The following OXR1 variants were observed in gnomAD, a reference collection of about 807,000 sequenced individuals.
OXR1 encodes oxidation resistance protein 1.
In OXR1, 41 loss-of-function variants were observed where a neutral mutation model predicts 104.6. The ratio of observed to expected loss-of-function variants is 0.39; its 90% CI spans 0.31 to 0.51. OXR1 has a LOEUF of 0.51. Among genes scored for constraint, OXR1 ranks in the 20% least tolerant of loss-of-function variants. The pLI, the probability that OXR1 is intolerant of heterozygous loss-of-function variation, is 0.77. For synonymous variants in OXR1, 348 were observed against 348.4 expected, an observed-to-expected ratio of 1.00 and a Z score of 0.01; for missense variants, 955 against 1,031.9, an observed-to-expected ratio of 0.93 and a Z score of 1.02.
At position 106,707,011 on chromosome 8, in the gene OXR1, C is replaced by A; in HGVS notation, c.1490C>A (p.Thr497Lys). 6.2e-7 allele frequency: 1 copy of A among 1,613,836 alleles called. No individual in the cohort carries two copies. Among genetic ancestry groups the A allele is most frequent in the Non-Finnish European group, 8.5e-7 (1 of 1,179,932 alleles). Residue 497 changes from threonine to lysine, a missense_variant, in exon 9 of 17, where the codon ACA becomes AAA. By Grantham distance (78) the Thr-to-Lys change is moderately conservative. Coordinates refer to ENST00000517566, the MANE Select transcript of OXR1 (RefSeq NM_001198533.2). The part of the protein sequence containing the change: ...QGKEQNQDSQ[T>K]EAEELRKLWK... ...AAGGAGCAAAATCAGGACTCACAGA[C>A]AGAGGCAGAAGAGCTACGCAAACTT...
At chr8:106,628,038 T>G (rs1199159878) in intron 3 of OXR1, among the ~76,000 whole-genome samples, 2 of 152,182 alleles carry the variant, frequency 1.3e-5, no homozygotes, top group Non-Finnish European at 2.9e-5. Context: ...CTTAACAGTA[T>G]TTCTAAAACG....
intron 2 of OXR1, among the ~76,000 whole-genome samples, chr8:106,400,501 C>T (rs1817958629): frequency 6.6e-6 from 1 of 152,048 alleles, no homozygotes; most frequent in Admixed American, 6.6e-5. Flanking sequence ...TAAAATTATT[C>T]CTTCCAATCA....
At chr8:106,576,509 G>C (rs893512983) in intron 3 of OXR1, among the ~76,000 whole-genome samples, 3 of 149,198 alleles carry the variant, frequency 2.0e-5, no homozygotes, top group Non-Finnish European at 4.4e-5. Flanking sequence ...AGAGCCACAG[G>C]CTTTATTGCA....
At chr8:106,332,965 T>C (rs1814783166) in intron 1 of OXR1, among the ~76,000 whole-genome samples, 1 of 152,160 alleles carries the variant, frequency 6.6e-6, no homozygotes, top group Non-Finnish European at 1.5e-5. Context: ...TGTAGTAACA[T>C]ATATCATTTA....
intron 3 of OXR1, among the ~76,000 whole-genome samples, chr8:106,559,318 C>G (rs976303062): frequency 4.6e-5 from 7 of 152,200 alleles, no homozygotes; most frequent in African/African-American, 1.7e-4. Flanking sequence ...CACAGTCACA[C>G]AGGTAATCTC....
chr8:106,667,842 A>G (rs763519481), intron 3 of OXR1, among the ~76,000 whole-genome samples: 1 of 152,026 alleles, frequency 6.6e-6, no homozygotes, highest in Non-Finnish European at 1.5e-5. Flanking sequence ...CATCACTTCT[A>G]TGTGTATGTA....
chr8:106,634,467 T>C (rs1822968509), intron 3 of OXR1, among the ~76,000 whole-genome samples: 1 of 152,226 alleles, frequency 6.6e-6, no homozygotes, highest in South Asian at 2.1e-4. Context: ...TATACCCATT[T>C]TACAGATGAG....
At chr8:106,725,374 A>G (rs1267756260) in intron 11 of OXR1, among the ~76,000 whole-genome samples, 1 of 152,182 alleles carries the variant, frequency 6.6e-6, no homozygotes. Context: ...TTACCTTAAA[A>G]TGGAAGAAAT....
chr8:106,483,409 C>T (rs1353741771), intron 2 of OXR1, among the ~76,000 whole-genome samples: 4 of 151,736 alleles, frequency 2.6e-5, no homozygotes, highest in African/African-American at 9.7e-5. Context: ...TTAAAACCAT[C>T]CACTTAACTG....
chr8:106,309,982 T>C (rs1813630003), intron 1 of OXR1, among the ~76,000 whole-genome samples: 1 of 151,878 alleles, frequency 6.6e-6, no homozygotes. Flanking sequence ...TTTACCTCTG[T>C]GATTCTGAAT....
At chr8:106,335,479 G>A (rs1056827436) in intron 1 of OXR1, among the ~76,000 whole-genome samples, 1 of 152,024 alleles carries the variant, frequency 6.6e-6, no homozygotes, top group Non-Finnish European at 1.5e-5. Flanking sequence ...GCCCTTCTGG[G>A]TATCCAGAAT....
intron 15 of OXR1, chr8:106,742,624 A>G (rs1179689503): frequency 5.7e-6 from 1 of 176,314 alleles, no homozygotes; most frequent in Admixed American, 6.3e-5. Flanking sequence ...AACAGAATAG[A>G]GAACTCAGAA....
At chr8:106,395,597 T>C (rs1006519513) in intron 2 of OXR1, among the ~76,000 whole-genome samples, 2 of 152,158 alleles carry the variant, frequency 1.3e-5, no homozygotes, top group Non-Finnish European at 2.9e-5. Flanking sequence ...TTCTGGAAGC[T>C]ACAATTCAAG....
intron 15 of OXR1, among the ~76,000 whole-genome samples, chr8:106,744,948 A>T (rs1314915575): frequency 2.0e-5 from 3 of 152,178 alleles, no homozygotes; most frequent in Non-Finnish European, 4.4e-5. Flanking sequence ...AAATATGTCA[A>T]CTGATAGCAA....
intron 7 of OXR1, among the ~76,000 whole-genome samples, chr8:106,700,298 G>T (rs747342412): frequency 4.6e-5 from 7 of 152,114 alleles, no homozygotes; most frequent in Non-Finnish European, 1.0e-4. Context: ...ATAAGCTTAT[G>T]ATTTTCAACT....
intron 8 of OXR1, among the ~76,000 whole-genome samples, chr8:106,704,065 T>C (rs1269777332): frequency 1.3e-5 from 2 of 152,144 alleles, no homozygotes; most frequent in Non-Finnish European, 2.9e-5. Flanking sequence ...CAGAATAAAA[T>C]CCTTTGCTCA....
At chr8:106,500,981 G>A (rs558075797) in intron 2 of OXR1, among the ~76,000 whole-genome samples, 5 of 152,308 alleles carry the variant, frequency 3.3e-5, no homozygotes, top group East Asian at 1.9e-4. Context: ...GTGATGGAGA[G>A]AGTTGACAAA....
chr8:106,629,059 G>T lies in OXR1; in HGVS notation c.221-50151G>T, dbSNP rs749724178. Among the ~76,000 whole-genome samples the T allele has an allele frequency of 3.5e-4, 53 of 152,084 alleles. 1 individual carries two copies. Among genetic ancestry groups the T allele is most frequent in the Non-Finnish European group, 6.9e-4 (47 of 68,004 alleles). On this transcript the variant is annotated intron_variant, in intron 3 of 16. Coordinates refer to ENST00000517566, the MANE Select transcript of OXR1 (RefSeq NM_001198533.2). ...ACAGAGTAAGAGAGAATGAAGAAAA[G>T]ACAAAATCACCCTCTTTTACTTCAT...
chr8:106,472,856 C>T (rs1563545121), intron 2 of OXR1, among the ~76,000 whole-genome samples: 1 of 151,806 alleles, frequency 6.6e-6, no homozygotes, highest in Non-Finnish European at 1.5e-5. Flanking sequence ...CTACAGGTGA[C>T]TAAATTTTTA....
Sources: allele counts gnomAD v4.1 joint callset (sites outside exome capture counted in the v4.1 genomes callset), GRCh38; gene constraint gnomAD v4.1.1; transcripts MANE v1.5; gene names NCBI Gene and HGNC (gene_info 2026-07-23, HGNC 2026-07-21).